Variants in FGD5 observed in about 807,000 individuals in gnomAD.
The protein encoded by FGD5 is FYVE, RhoGEF and PH domain-containing protein 5.
A neutral mutation model predicts 133.4 loss-of-function variants in FGD5; 28 were observed. The ratio of observed to expected loss-of-function variants is 0.21; its 90% CI spans 0.16 to 0.29. The LOEUF (loss-of-function observed/expected upper bound fraction) is 0.29. Among genes scored for constraint, FGD5 ranks in the 10% least tolerant of loss-of-function variants. FGD5 has a pLI of 1.00. For missense variants in FGD5, 1,858 were observed against 1,895.2 expected, an observed-to-expected ratio of 0.98 and a Z score of 0.36; for synonymous variants, 810 against 776.5, an observed-to-expected ratio of 1.04 and a Z score of -0.72.
chr3:14,821,713 G>C, intron 1 of FGD5, 117 bp downstream of exon 1: 4 of 1,387,368 alleles, frequency 2.9e-6, no homozygotes, highest in Non-Finnish European at 3.8e-6. Context: ...CTTACTAGCT[G>C]TGTTGACTTG....
intron 4 of FGD5, among the ~76,000 whole-genome samples, chr3:14,882,748 G>A (rs1479026651): frequency 1.3e-5 from 2 of 151,718 alleles, no homozygotes; most frequent in Admixed American, 1.3e-4. Flanking sequence ...AGGAAGTTGT[G>A]GTCTGGAGCT....
At chr3:14,878,706 C>G (rs2037768501) in intron 2 of FGD5, among the ~76,000 whole-genome samples, 1 of 151,570 alleles carries the variant, frequency 6.6e-6, no homozygotes, top group African/African-American at 2.4e-5. Flanking sequence ...CAGGAAACTG[C>G]CTAGTTCCAA....
chr3:14,897,330 C>T (rs2038156407), intron 4 of FGD5, 179 bp from the exon 5 acceptor site: 2 of 695,278 alleles, frequency 2.9e-6, no homozygotes. Context: ...CTATGGTCGC[C>T]AGGTGCATGT....
intron 13 of FGD5, 98 bp from the exon 14 acceptor site, chr3:14,921,820 G>T (rs1161095130): frequency 1.7e-6 from 2 of 1,144,286 alleles, no homozygotes; most frequent in Admixed American, 4.0e-5. Context: ...AGAGGTGCAG[G>T]CTCAAGGGGC....
chr3:14,823,587 A>G (rs772793608), intron 1 of FGD5, among the ~76,000 whole-genome samples: 2 of 152,256 alleles, frequency 1.3e-5, no homozygotes, highest in African/African-American at 2.4e-5. Flanking sequence ...AAACTGTGAC[A>G]CAGAGAGGAA....
chr3:14,852,736 T>A (rs1388107115), intron 1 of FGD5, among the ~76,000 whole-genome samples: 1 of 152,208 alleles, frequency 6.6e-6, no homozygotes, highest in Admixed American at 6.5e-5. Flanking sequence ...TGAATTTTTT[T>A]AAAAGTCTCT....
intron 2 of FGD5, among the ~76,000 whole-genome samples, chr3:14,877,687 G>T (rs773021788): frequency 1.3e-5 from 2 of 152,094 alleles, no homozygotes; most frequent in Non-Finnish European, 2.9e-5. Context: ...GAGTGAGGAA[G>T]CCTGAGTGCA....
intron 4 of FGD5, among the ~76,000 whole-genome samples, chr3:14,883,053 G>T (rs1242427808): frequency 6.6e-6 from 1 of 152,250 alleles, no homozygotes; most frequent in East Asian, 1.9e-4. Flanking sequence ...TGCTATTGTT[G>T]TTGGGGGCGC....
chr3:14,874,476 G>A (rs1183614392), intron 2 of FGD5, among the ~76,000 whole-genome samples: 1 of 152,118 alleles, frequency 6.6e-6, no homozygotes, highest in East Asian at 1.9e-4. Flanking sequence ...CTGGGTGACA[G>A]AATGAGATCC....
intron 4 of FGD5, among the ~76,000 whole-genome samples, chr3:14,883,848 T>C (rs936330439): frequency 2.6e-5 from 4 of 152,146 alleles, no homozygotes; most frequent in African/African-American, 4.8e-5. Flanking sequence ...GAAAGACATA[T>C]GCAGGAAGGT....
chr3:14,913,962 G>A (rs1243895872), intron 11 of FGD5, among the ~76,000 whole-genome samples: 1 of 152,038 alleles, frequency 6.6e-6, no homozygotes, highest in Non-Finnish European at 1.5e-5. Context: ...GTCTGGCATG[G>A]CCCTTTATCA....
chr3:14,901,147 T>C, intron 9 of FGD5, 86 bp downstream of exon 9: 1 of 1,375,010 alleles, frequency 7.3e-7, no homozygotes, highest in Non-Finnish European at 1.0e-6. Flanking sequence ...GATGCCCCAC[T>C]CCTAGGGGCT....
At chr3:14,823,727 G>A (rs2036547951) in intron 1 of FGD5, among the ~76,000 whole-genome samples, 1 of 152,212 alleles carries the variant, frequency 6.6e-6, no homozygotes, top group South Asian at 2.1e-4. Context: ...TGTGCAGGCT[G>A]CGCATTGTAC....
chr3:14,824,824 T>A (rs60388387), intron 1 of FGD5, among the ~76,000 whole-genome samples: 18,384 of 152,246 alleles, frequency 0.12, 1,556 homozygotes, highest in East Asian at 0.41. Flanking sequence ...AGAAGGCAAT[T>A]GTAAAAATAA....
At chr3:14,842,523 T>TG in intron 1 of FGD5, among the ~76,000 whole-genome samples, 1 of 152,344 alleles carries the variant, frequency 6.6e-6, no homozygotes, top group Non-Finnish European at 1.5e-5. Flanking sequence ...GACATGCCCC[T>TG]GGCCATGCTT....
Position 14,925,100 on chromosome 3 carries a change from CAAAAAAAAAA to C in FGD5, c.4069-951_4069-942del, listed in dbSNP as rs10714568. Among the ~76,000 whole-genome samples the C allele has an allele frequency of 1.4e-4, 10 of 71,818 alleles. 1 individual carries two copies. In the South Asian group the frequency reaches 2.2e-3, roughly 16 times the overall value. The allele number at this position is 71,818 out of a possible 152,430, so 47.1% of individuals were successfully genotyped here. ...CTGGCGACACAGCAAGACTCTGTCTCAAAAAAAAAAAAAAAAAAAAAAAAAAAACACATAC... is the reference window on the plus strand; with the variant it reads ...CTGGCGACACAGCAAGACTCTGTCTCAAAAAAAAAAAAAAAAAACACATAC... On this transcript the variant is annotated intron_variant, in intron 17 of 19. Transcript: ENST00000285046.
intron 2 of FGD5, among the ~76,000 whole-genome samples, chr3:14,877,972 G>C (rs532293561): frequency 3.3e-5 from 5 of 152,212 alleles, no homozygotes; most frequent in Non-Finnish European, 5.9e-5. Flanking sequence ...TCTTCAGAAT[G>C]TCAACAGTCC....
At chr3:14,863,357 G>T (rs1279852308) in intron 1 of FGD5, among the ~76,000 whole-genome samples, 3 of 151,806 alleles carry the variant, frequency 2.0e-5, no homozygotes, top group Admixed American at 6.6e-5. Flanking sequence ...CCCTGCTGTG[G>T]GGATCACAGT....
chr3:14,815,722 C>T (rs752074729), upstream of FGD5, among the ~76,000 whole-genome samples: 4 of 152,180 alleles, frequency 2.6e-5, no homozygotes, highest in Admixed American at 1.3e-4. Flanking sequence ...CTGCATTTTA[C>T]CCTTCTCTGC....
Sources: gnomAD v4.1 joint callset for allele counts (sites outside exome capture counted in the v4.1 genomes callset) on GRCh38, gnomAD v4.1.1 for gene constraint, MANE v1.5 for transcripts, NCBI Gene and HGNC (gene_info 2026-07-23, HGNC 2026-07-21) for gene names.